Variants in GRID2 observed in about 807,000 individuals in gnomAD.
GRID2 encodes the protein glutamate receptor ionotropic, delta-2.
GRID2 carries 33 observed loss-of-function variants against 114.8 expected under a neutral mutation model. The ratio of observed to expected loss-of-function variants is 0.29; its 90% CI spans 0.22 to 0.38. The LOEUF is 0.38. Ranked by LOEUF, GRID2 falls within the 10% of genes least tolerant of loss-of-function variation. GRID2 has a pLI of 1.00. For synonymous variants in GRID2, 505 were observed against 449.9 expected, an observed-to-expected ratio of 1.12 and a Z score of -1.55; for missense variants, 1,184 against 1,257.7, an observed-to-expected ratio of 0.94 and a Z score of 0.89.
chr4:93,601,735 A>T (rs1378739639), intron 13 of GRID2, among the ~76,000 whole-genome samples: 1 of 152,050 alleles, frequency 6.6e-6, no homozygotes, highest in Admixed American at 6.6e-5. Context: ...GATAATGATA[A>T]TTTTTTTCAT....
chr4:93,094,368 C>T (rs1731025413), intron 3 of GRID2, among the ~76,000 whole-genome samples: 1 of 151,832 alleles, frequency 6.6e-6, no homozygotes, highest in Admixed American at 6.6e-5. Flanking sequence ...TTTTGAAATA[C>T]ATTTTATATG....
intron 1 of GRID2, among the ~76,000 whole-genome samples, chr4:92,458,460 T>C (rs1721323565): frequency 6.6e-6 from 1 of 152,188 alleles, no homozygotes; most frequent in South Asian, 2.1e-4. Context: ...GGAGTCACAG[T>C]GGCACATGGA....
At chr4:93,217,448 C>A (rs1238474154) in intron 6 of GRID2, among the ~76,000 whole-genome samples, 2 of 152,078 alleles carry the variant, frequency 1.3e-5, no homozygotes, top group Non-Finnish European at 2.9e-5. Flanking sequence ...ATAAATAAAA[C>A]CTCTGAACAG....
In GRID2 at chr4:92,688,037, C is replaced by CTTTTTTTTTTTT. The variant is rs760605020; in HGVS notation, c.244+97769_244+97780dup. 9.4e-4 allele frequency among the ~76,000 whole-genome samples: 42 copies of CTTTTTTTTTTTT among 44,666 alleles called. 5 individuals carry two copies. Among genetic ancestry groups the CTTTTTTTTTTTT allele is most frequent in the East Asian group, 1.6e-3 (3 of 1,888 alleles). The allele number at this position is 44,666 out of a possible 152,430, so 29.3% of individuals were successfully genotyped here. ...GCCACATTGGTTGACCCTTCTTCTT[C>CTTTTTTTTTTTT]TTTTTTTTTTTTTTTTTTTTTTTTT... On this transcript the variant is annotated intron_variant, in intron 2 of 15. Coordinates refer to ENST00000282020, the MANE Select transcript of GRID2 (RefSeq NM_001510.4).
intron 14 of GRID2, among the ~76,000 whole-genome samples, chr4:93,686,978 C>G (rs539571466): frequency 2.6e-5 from 4 of 151,952 alleles, no homozygotes; most frequent in Middle Eastern, 3.4e-3. Context: ...CACTGAAAAC[C>G]GCCTGAAAGT....
intron 8 of GRID2, among the ~76,000 whole-genome samples, chr4:93,294,502 G>GA (rs1754082936): frequency 6.6e-6 from 1 of 152,020 alleles, no homozygotes; most frequent in African/African-American, 2.4e-5. Context: ...AAGGACAGAA[G>GA]AAAAAACATC....
At chr4:92,675,897 T>G (rs1328810944) in intron 2 of GRID2, among the ~76,000 whole-genome samples, 1 of 151,640 alleles carries the variant, frequency 6.6e-6, no homozygotes, top group Non-Finnish European at 1.5e-5. Context: ...CGTCCCCAGG[T>G]AGAAAGCCAA....
At chr4:92,640,142 C>A (rs7692054) in intron 2 of GRID2, among the ~76,000 whole-genome samples, 45,009 of 151,300 alleles carry the variant, frequency 0.3, 6,706 homozygotes, top group African/African-American at 0.36. Flanking sequence ...TCTTTTAATA[C>A]CGTTTTACAC....
intron 1 of GRID2, among the ~76,000 whole-genome samples, chr4:92,480,339 T>C (rs1038932274): frequency 8.5e-5 from 13 of 152,192 alleles, no homozygotes; most frequent in African/African-American, 2.9e-4. Context: ...GATTACTTAA[T>C]AGTTTTCTTG....
chr4:92,720,016 T>C (rs1259917546), intron 2 of GRID2, among the ~76,000 whole-genome samples: 2 of 152,112 alleles, frequency 1.3e-5, no homozygotes, highest in East Asian at 3.9e-4. Flanking sequence ...TTATGATGAA[T>C]TAAGTGATAA....
intron 4 of GRID2, among the ~76,000 whole-genome samples, chr4:93,123,454 T>C (rs937164234): frequency 6.6e-6 from 1 of 152,176 alleles, no homozygotes; most frequent in African/African-American, 2.4e-5. Context: ...TTTTCACTTA[T>C]TCAATTATTC....
At chr4:92,579,490 C>T (rs34822999) in intron 1 of GRID2, among the ~76,000 whole-genome samples, 1 of 151,756 alleles carries the variant, frequency 6.6e-6, no homozygotes, top group Non-Finnish European at 1.5e-5. Context: ...ATTCCAAAAG[C>T]AGAATATTTT....
intron 8 of GRID2, among the ~76,000 whole-genome samples, chr4:93,363,656 T>A (rs894030057): frequency 3.3e-5 from 5 of 152,116 alleles, no homozygotes; most frequent in Non-Finnish European, 7.4e-5. Context: ...ATTTTGTTTT[T>A]AATTTCTCTA....
At chr4:93,678,225 G>A (rs1560894319) in intron 14 of GRID2, among the ~76,000 whole-genome samples, 1 of 152,076 alleles carries the variant, frequency 6.6e-6, no homozygotes, top group Non-Finnish European at 1.5e-5. Flanking sequence ...GAAGTTTAGA[G>A]AAAAAAGAAT....
chr4:93,516,290 T>C (rs375472880), intron 13 of GRID2, among the ~76,000 whole-genome samples: 1 of 152,160 alleles, frequency 6.6e-6, no homozygotes, highest in African/African-American at 2.4e-5. Context: ...AGAGGATATT[T>C]TGATGACTAT....
intron 1 of GRID2, among the ~76,000 whole-genome samples, chr4:93,804,570 A>G (rs917591951): frequency 6.6e-6 from 1 of 152,222 alleles, no homozygotes; most frequent in African/African-American, 2.4e-5. Context: ...GCAGTCTGTC[A>G]TTAACCAAGA....
chr4:93,320,143 A>T (rs2149206839), intron 8 of GRID2, among the ~76,000 whole-genome samples: 1 of 152,260 alleles, frequency 6.6e-6, no homozygotes, highest in South Asian at 2.1e-4. Context: ...GCTTTTAAAG[A>T]ACATTAAGTC....
chr4:93,750,088 G>A (rs964859516), intron 14 of GRID2, among the ~76,000 whole-genome samples: 5 of 152,102 alleles, frequency 3.3e-5, no homozygotes, highest in Non-Finnish European at 7.3e-5. Context: ...CAAATTGATC[G>A]AACGCATCCT....
intron 3 of GRID2, among the ~76,000 whole-genome samples, chr4:93,092,308 G>A (rs934460147): frequency 6.6e-6 from 1 of 152,060 alleles, no homozygotes; most frequent in Non-Finnish European, 1.5e-5. Context: ...TTCTAAAGTA[G>A]TGTCTACATC....
Sources: allele counts gnomAD v4.1 joint callset (sites outside exome capture counted in the v4.1 genomes callset), GRCh38; gene constraint gnomAD v4.1.1; transcripts MANE v1.5; gene names NCBI Gene and HGNC (gene_info 2026-07-23, HGNC 2026-07-21).